The following TOP1 variants were observed in gnomAD, a reference collection of about 807,000 sequenced individuals.
TOP1 encodes the protein DNA topoisomerase I, also known as DNA topoisomerase 1.
Under a neutral mutation model 111.1 loss-of-function variants are expected in TOP1, and 10 were observed. That is an observed-to-expected ratio of 0.09 (90% CI 0.06 to 0.15). The LOEUF is 0.15. Among genes scored for constraint, TOP1 ranks in the 10% least tolerant of loss-of-function variants. The probability of loss-of-function intolerance (pLI) is 1.00; values close to 1 mark genes in which losing one functional copy is unlikely to be tolerated. For missense variants in TOP1, 474 were observed against 926.7 expected (o/e 0.51, Z 6.34); for synonymous variants, 271 against 302.9 (o/e 0.89, Z 1.10).
chr20:41,083,158 G>A lies in TOP1; in HGVS notation c.508-1304G>A, dbSNP rs1468447644. Among the ~76,000 whole-genome samples the A allele has an allele frequency of 6.6e-6, 1 of 152,138 alleles. No homozygotes were observed. Among genetic ancestry groups the A allele is most frequent in the Non-Finnish European group, 1.5e-5 (1 of 68,014 alleles). Reference sequence around the variant, plus strand: ...TTGAGGCTTGAAAACATACAATGTAGCCAGTAGTTTCCTGATGGGACCAGC... The same window carrying A: ...TTGAGGCTTGAAAACATACAATGTAACCAGTAGTTTCCTGATGGGACCAGC... On this transcript the variant is annotated intron_variant, in intron 7 of 20. Transcript: ENST00000361337. This position sits in a 1 kb window ranked among gnomAD's most constrained non-coding sequence, Gnocchi z 7.2.
rs1312098134 is a variant in TOP1 at position 41,115,116 on chromosome 20, ATAAG to A, written c.1639-249_1639-246del. On this transcript the variant is annotated intron_variant, in intron 15 of 20. Transcript: ENST00000361337. This position sits in a 1 kb window ranked among gnomAD's most constrained non-coding sequence, Gnocchi z 6.3. Reference sequence around the variant, plus strand: ...TATAAATGTACTTTAGGACCATATTATAAGTAAGTGCTTATAAATGGCTCAGAAC... The same window carrying A: ...TATAAATGTACTTTAGGACCATATTATAAGTGCTTATAAATGGCTCAGAAC... Among the ~76,000 whole-genome samples, 8 of 152,246 alleles carry A rather than the reference ATAAG, an allele frequency of 5.3e-5. No individual in the cohort carries two copies. The highest frequency in any genetic ancestry group is 3.9e-4 in the Admixed American group (6 of 15,278).
chr20:41,073,200 G>A, intron 3 of TOP1: 2 of 985,334 alleles, frequency 2.0e-6, no homozygotes, highest in Non-Finnish European at 2.4e-6. Flanking sequence ...TACCTATGTT[G>A]TGATTGCCAA....
At position 41,102,198 on chromosome 20, in the gene TOP1, G is replaced by A. The variant is rs2034073932; in HGVS notation, c.1308+845G>A. Among the ~76,000 whole-genome samples the A allele has an allele frequency of 6.6e-6, 1 of 152,206 alleles. No individual in the cohort carries two copies. Among genetic ancestry groups the A allele is most frequent in the Admixed American group, 6.5e-5 (1 of 15,282 alleles). ...AAATGTGAAAGCCACAGCTGAAAAG[G>A]CTATGTGAATAGGCAAGACTAAACT... On this transcript the variant is annotated intron_variant, in intron 13 of 20. Transcript: ENST00000361337. This position sits in a 1 kb window ranked among gnomAD's most constrained non-coding sequence, Gnocchi z 4.0.
rs1380566913 is a variant in TOP1, at chr20:41,029,492, A to T, written c.58+37A>T. 2 of 1,541,646 alleles carry T rather than the reference A, an allele frequency of 1.3e-6. No homozygotes were observed. The highest frequency in any genetic ancestry group is 2.8e-5 in the African/African-American group (2 of 71,016). On this transcript the variant is annotated intron_variant, in intron 2 of 20. Transcript: ENST00000361337. This position sits in a 1 kb window ranked among gnomAD's most constrained non-coding sequence, Gnocchi z 6.1. The stretch of plus-strand genomic sequence containing the variant: ...CCCTGCGCCGACTCCGGGGCCCCCC[A>T]GCCGCCGGCCGCCTCCCCCGCGCCC...
At position 41,101,480 on chromosome 20, in the gene TOP1, G is replaced by T. The variant is rs766840002; in HGVS notation, c.1308+127G>T. The T allele has an allele frequency of 3.1e-4, 315 of 1,024,634 alleles. No individual in the cohort carries two copies. The highest frequency in any genetic ancestry group is 4.1e-4 in the Non-Finnish European group (295 of 718,402). 63.5% of individuals were successfully genotyped at this position (1,024,634 alleles called of 1,614,324 possible). A position where few individuals can be genotyped will look rare whatever the true frequency, so the allele number is the denominator to read the frequency against. On this transcript the variant is annotated intron_variant, in intron 13 of 20. Coordinates refer to ENST00000361337, the MANE Select transcript of TOP1 (RefSeq NM_003286.4). The surrounding 1 kb of genome is among the most constrained non-coding windows in gnomAD (Gnocchi z 4.1). ...AATCCTCCCCATTGAAAGAAGGCAAGTACTTTCATAGTTAGCATTATGGTG... is the reference window on the plus strand; with the variant it reads ...AATCCTCCCCATTGAAAGAAGGCAATTACTTTCATAGTTAGCATTATGGTG...
intron 2 of TOP1, among the ~76,000 whole-genome samples, chr20:41,051,969 A>G (rs1049748056): frequency 1.3e-5 from 2 of 152,196 alleles, no homozygotes; most frequent in African/African-American, 2.4e-5. Flanking sequence ...TTCTGTTACA[A>G]CTACACACAA....
chr20:41,043,254 CAATAG>C (rs1568672692), intron 2 of TOP1, among the ~76,000 whole-genome samples: 1 of 152,184 alleles, frequency 6.6e-6, no homozygotes, highest in East Asian at 1.9e-4. Context: ...GTTTCAGAAC[CAATAG>C]AATAGAGCAA....
At chr20:41,120,708 A>T (rs1480509491) in intron 18 of TOP1, among the ~76,000 whole-genome samples, 4 of 152,232 alleles carry the variant, frequency 2.6e-5, no homozygotes, top group African/African-American at 7.2e-5. Flanking sequence ...TTTCACATCC[A>T]TTGAGTGACA....
At chr20:41,107,467 T>C (rs2034164677) in intron 13 of TOP1, among the ~76,000 whole-genome samples, 1 of 152,230 alleles carries the variant, frequency 6.6e-6, no homozygotes, top group Non-Finnish European at 1.5e-5. Context: ...TCACTTCCAA[T>C]TCACTAATTC....
intron 2 of TOP1, among the ~76,000 whole-genome samples, chr20:41,048,092 TAA>T (rs57371417): frequency 2.1e-4 from 26 of 125,496 alleles, no homozygotes; most frequent in East Asian, 4.5e-4. Flanking sequence ...GGCTATAAAT[TAA>T]AAAAAAAAAA....
chr20:41,076,890 T>C (rs1040708837), intron 4 of TOP1, among the ~76,000 whole-genome samples: 4 of 152,226 alleles, frequency 2.6e-5, no homozygotes, highest in Admixed American at 1.3e-4. Context: ...ACCGCTATAC[T>C]GATTATGTTT....
At chr20:41,099,985 CAA>C in intron 11 of TOP1, 69 bp from the exon 12 acceptor site, 1 of 1,085,054 alleles carries the variant, frequency 9.2e-7, no homozygotes, top group Non-Finnish European at 1.3e-6. Context: ...TAGTCTCCCA[CAA>C]GAGATAAAAT....
intron 8 of TOP1, among the ~76,000 whole-genome samples, chr20:41,090,690 A>ATGG: frequency 6.7e-6 from 1 of 150,332 alleles, no homozygotes; most frequent in East Asian, 2.0e-4. Context: ...TTTAGTAGAG[A>ATGG]CGGGGGGGTC....
rs1453449631 is a variant in TOP1 at position 41,098,207 on chromosome 20, T to G, written c.853-8T>G. On this transcript the variant is annotated splice_region_variant and splice_polypyrimidine_tract_variant and intron_variant, in intron 10 of 20. Transcript: ENST00000361337. The surrounding 1 kb of genome is among the most constrained non-coding windows in gnomAD (Gnocchi z 5.7). The stretch of plus-strand genomic sequence containing the variant: ...TTTTCTTTCATCTCCCCATTTTCTT[T>G]TGACTAGGAAATGACTAATGAAGAG... 1 of 1,613,550 alleles carries G rather than the reference T, an allele frequency of 6.2e-7. No homozygotes were observed. Among genetic ancestry groups the G allele is most frequent in the Non-Finnish European group, 8.5e-7 (1 of 1,179,642 alleles).
At position 41,082,460 on chromosome 20, in the gene TOP1, G is replaced by C. The variant is rs2033799439; in HGVS notation, c.507+1220G>C. Reference sequence around the variant, plus strand: ...CTGAGGTCACATAGCTACTAAGGTGGAAAAGCCAGCATTTGATCCCATGCA... The same window carrying C: ...CTGAGGTCACATAGCTACTAAGGTGCAAAAGCCAGCATTTGATCCCATGCA... On this transcript the variant is annotated intron_variant, in intron 7 of 20. Transcript: ENST00000361337. This position sits in a 1 kb window ranked among gnomAD's most constrained non-coding sequence, Gnocchi z 4.1. 6.6e-6 allele frequency among the ~76,000 whole-genome samples: 1 copy of C among 152,156 alleles called. No homozygotes were observed. The highest frequency in any genetic ancestry group is 1.5e-5 in the Non-Finnish European group (1 of 68,022).
At chr20:41,113,898 AAC>A (rs1231449758) in intron 14 of TOP1, 70 bp from the exon 15 acceptor site, 50 of 1,250,332 alleles carry the variant, frequency 4.0e-5, no homozygotes, top group Admixed American at 2.0e-4. Flanking sequence ...AAAAAAAAAA[AAC>A]ACAGAACGAA....
intron 2 of TOP1, among the ~76,000 whole-genome samples, chr20:41,055,919 A>G (rs2033464926): frequency 1.3e-5 from 2 of 152,334 alleles, no homozygotes; most frequent in Admixed American, 6.5e-5. Flanking sequence ...TAATAACACA[A>G]AAATGAAGGG....
intron 2 of TOP1, among the ~76,000 whole-genome samples, chr20:41,035,049 C>G (rs187656007): frequency 2.0e-5 from 3 of 151,958 alleles, no homozygotes; most frequent in African/African-American, 4.8e-5. Context: ...GTCACCACGC[C>G]GGGCTAATTT....
In TOP1 at chr20:41,101,385, A is replaced by G; in HGVS notation, c.1308+32A>G. 6.3e-7 allele frequency: 1 copy of G among 1,599,980 alleles called. No homozygotes were observed. Among genetic ancestry groups the G allele is most frequent in the South Asian group, 1.1e-5 (1 of 90,304 alleles). On this transcript the variant is annotated intron_variant, in intron 13 of 20. Transcript: ENST00000361337. This position sits in a 1 kb window ranked among gnomAD's most constrained non-coding sequence, Gnocchi z 4.1. ...GGATAGTTGAGAGCTGCACTGGTTC[A>G]TGGTGCTGATAACCTTTTTTTGTTG...
Sources: allele counts gnomAD v4.1 joint callset (sites outside exome capture counted in the v4.1 genomes callset), GRCh38; gene constraint gnomAD v4.1.1; non-coding constraint Gnocchi (gnomAD v3.1); transcripts MANE v1.5; gene names NCBI Gene and HGNC (gene_info 2026-07-23, HGNC 2026-07-21).